LITAF: variants seen among roughly 807,000 people sequenced by gnomAD.
LITAF encodes lipopolysaccharide induced TNF factor, also known as lipopolysaccharide-induced tumor necrosis factor-alpha factor.
In LITAF, 9 loss-of-function variants were observed where a neutral mutation model predicts 14.5. That is an observed-to-expected ratio of 0.62 (90% confidence interval 0.37 to 1.08). The LOEUF (loss-of-function observed/expected upper bound fraction) is 1.08, where lower values mean the gene tolerates loss of function less well. LITAF is among the 50% of genes least tolerant of loss of function. The pLI, the probability that LITAF is intolerant of heterozygous loss-of-function variation, is 0.01. For missense variants in LITAF, 206 were observed against 213.4 expected (o/e 0.97, Z 0.22); for synonymous variants, 98 against 88.2 (o/e 1.11, Z -0.62).
At chr16:11,628,665 G>C (rs1239271014) in intron 3 of LITAF, among the ~76,000 whole-genome samples, 1 of 148,750 alleles carries the variant, frequency 6.7e-6, no homozygotes, top group Non-Finnish European at 1.5e-5. Context: ...ACCACGGCTG[G>C]CTAATATTTT....
chr16:11,549,740 A>G lies in LITAF; in HGVS notation c.383T>C (p.Ile128Thr). The change falls in exon 4 of 4, where the codon ATA becomes ACA. Residue 128 changes from isoleucine to threonine, a missense_variant. Ile to Thr is a moderately conservative substitution (Grantham distance 89). Transcript: ENST00000622633. This position sits in a 1 kb window ranked among gnomAD's most constrained non-coding sequence, Gnocchi z 4.6. ...GAAGGGGATGAAGCAGCAGCCCGCT[A>G]TGCACCTGGGAGGAGAGAGAGACAC... ...SCGSLCLLGCIAGCCFIPFCV... is the reference protein window; with the variant it reads ...SCGSLCLLGCTAGCCFIPFCV... 1 of 1,612,518 alleles carries G rather than the reference A, an allele frequency of 6.2e-7. No homozygotes were observed. Among genetic ancestry groups the G allele is most frequent in the Non-Finnish European group, 8.5e-7 (1 of 1,179,152 alleles).
intron 3 of LITAF, among the ~76,000 whole-genome samples, chr16:11,621,340 A>G (rs1345530023): frequency 1.3e-5 from 2 of 152,158 alleles, no homozygotes; most frequent in African/African-American, 4.8e-5. Context: ...CTGGGATTAT[A>G]GGCATGAGCC....
chr16:11,596,676 A>G (rs1385996597), intron 1 of LITAF, among the ~76,000 whole-genome samples: 4 of 73,820 alleles, frequency 5.4e-5, no homozygotes, highest in East Asian at 1.1e-3. Context: ...GGAGGGAAAA[A>G]GGAGGGGAGG....
chr16:11,627,196 C>A (rs533371736), intron 3 of LITAF, among the ~76,000 whole-genome samples: 1 of 152,212 alleles, frequency 6.6e-6, no homozygotes, highest in Non-Finnish European at 1.5e-5. Context: ...GGGCATGTGA[C>A]CCAAGCCAAG....
intron 1 of LITAF, among the ~76,000 whole-genome samples, chr16:11,577,402 C>T (rs1461439149): frequency 6.7e-6 from 1 of 149,992 alleles, no homozygotes; most frequent in Non-Finnish European, 1.5e-5. Context: ...ACTGCAAGCT[C>T]CACCTTCCAG....
rs551051837 is a variant in LITAF, at chr16:11,628,616, G to A, written c.85+4917C>T. Among the ~76,000 whole-genome samples the A allele has an allele frequency of 1.4e-4, 22 of 152,122 alleles. No individual in the cohort carries two copies. The East Asian group carries it at 2.3e-3, about 16-fold the overall frequency. ...ACTCCTAGGGTCAAGGGATCTTCCC[G>A]CCTTAGCCTCCAAGTAGCTGGGATT... On this transcript the variant is annotated intron_variant, in intron 3 of 3. Transcript: ENST00000574848.
At chr16:11,581,416 A>G (rs1319279419) in intron 1 of LITAF, among the ~76,000 whole-genome samples, 1 of 152,176 alleles carries the variant, frequency 6.6e-6, no homozygotes, top group Non-Finnish European at 1.5e-5. Context: ...AGAGGCCAAG[A>G]TGGATGGATC....
At chr16:11,623,109 G>A (rs918663092) in intron 3 of LITAF, among the ~76,000 whole-genome samples, 17 of 151,292 alleles carry the variant, frequency 1.1e-4, no homozygotes, top group Non-Finnish European at 1.6e-4. Flanking sequence ...GACTACAGGC[G>A]CCCACCACCA....
intron 3 of LITAF, among the ~76,000 whole-genome samples, chr16:11,623,733 G>A (rs767775155): frequency 4.0e-5 from 6 of 151,232 alleles, no homozygotes; most frequent in African/African-American, 7.3e-5. Context: ...TTGGAAGGTC[G>A]AGGTGGGCAG....
Position 11,608,171 on chromosome 16 carries a change from C to G in LITAF, c.85+25362G>C, listed in dbSNP as rs1175056486. Among the ~76,000 whole-genome samples, 3 of 152,212 alleles carry G rather than the reference C, an allele frequency of 2.0e-5. No homozygotes were observed. The East Asian group carries it at 5.8e-4, about 29-fold the overall frequency. On this transcript the variant is annotated intron_variant, in intron 3 of 3. Transcript: ENST00000574848. Reference sequence around the variant, plus strand: ...GGATCAGAATTAGATCCTTGCGTCACAGATAAACCCCACTGGGGTTCAGAG... The same window carrying G: ...GGATCAGAATTAGATCCTTGCGTCAGAGATAAACCCCACTGGGGTTCAGAG...
chr16:11,621,118 G>A (rs568308897), intron 3 of LITAF, among the ~76,000 whole-genome samples: 2 of 151,764 alleles, frequency 1.3e-5, no homozygotes, highest in African/African-American at 4.8e-5. Flanking sequence ...GGAGTGCAAT[G>A]GCAGTGCGCG....
At position 11,616,652 on chromosome 16, in the gene LITAF, A is replaced by G. The variant is rs9936756; in HGVS notation, c.85+16881T>C. On this transcript the variant is annotated intron_variant, in intron 3 of 3. Coordinates refer to the LITAF transcript ENST00000574848. ...CTATTGTATCACAATATCACAGGCT[A>G]CCCTCTGGCCTTTGAACACAAATCC... Among the ~76,000 whole-genome samples, 1,454 of 152,206 alleles carry G rather than the reference A, an allele frequency of 9.6e-3. 19 individuals carry two copies. The highest frequency in any genetic ancestry group is 0.031 in the African/African-American group (1,280 of 41,530).
At chr16:11,560,321 A>T (rs1032492498) in intron 1 of LITAF, among the ~76,000 whole-genome samples, 1 of 151,098 alleles carries the variant, frequency 6.6e-6, no homozygotes, top group Non-Finnish European at 1.5e-5. Flanking sequence ...AAATACATTA[A>T]ATGTGGCGGC....
At chr16:11,627,750 A>G (rs1207389355) in intron 3 of LITAF, among the ~76,000 whole-genome samples, 4 of 152,196 alleles carry the variant, frequency 2.6e-5, no homozygotes, top group African/African-American at 9.6e-5. Flanking sequence ...AGGCTGACGC[A>G]GGAGAATGGC....
At chr16:11,613,614 C>T (rs932102576) in intron 3 of LITAF, among the ~76,000 whole-genome samples, 1 of 152,208 alleles carries the variant, frequency 6.6e-6, no homozygotes, top group Non-Finnish European at 1.5e-5. Context: ...TGAGGGCAGT[C>T]AGGGAAGGCT....
intron 3 of LITAF, among the ~76,000 whole-genome samples, chr16:11,612,848 G>A (rs959509284): frequency 6.6e-6 from 1 of 152,154 alleles, no homozygotes; most frequent in Non-Finnish European, 1.5e-5. Context: ...AGAAGCTCTT[G>A]GGCACCATCT....
intron 1 of LITAF, among the ~76,000 whole-genome samples, chr16:11,575,796 G>A (rs2064623050): frequency 6.6e-6 from 1 of 152,124 alleles, no homozygotes; most frequent in Non-Finnish European, 1.5e-5. Flanking sequence ...ATAGCTTCTG[G>A]TGTTGCTTCA....
Position 11,605,030 on chromosome 16 carries a change from A to G in LITAF, c.85+28503T>C, listed in dbSNP as rs544782953. Among the ~76,000 whole-genome samples, 2 of 151,946 alleles carry G rather than the reference A, an allele frequency of 1.3e-5. No homozygotes were observed. Among genetic ancestry groups the G allele is most frequent in the South Asian group, 4.2e-4 (2 of 4,810 alleles). On this transcript the variant is annotated intron_variant, in intron 3 of 3. Coordinates refer to the LITAF transcript ENST00000574848. The surrounding 1 kb of genome is among the most constrained non-coding windows in gnomAD (Gnocchi z 4.7). Reference sequence around the variant, plus strand: ...GGGAAAGAACGGAACTTCCTTGCCTACTCCAGGAATCGGCCAGGACCACTG... The same window carrying G: ...GGGAAAGAACGGAACTTCCTTGCCTGCTCCAGGAATCGGCCAGGACCACTG...
At chr16:11,594,945 AGTT>A (rs981345652) in intron 1 of LITAF, among the ~76,000 whole-genome samples, 1 of 152,046 alleles carries the variant, frequency 6.6e-6, no homozygotes, top group African/African-American at 2.4e-5. Context: ...GGCTATAAAT[AGTT>A]GTCTCTGAGT....
Sources: gnomAD v4.1 joint callset for allele counts (sites outside exome capture counted in the v4.1 genomes callset) on GRCh38, gnomAD v4.1.1 for gene constraint, Gnocchi (gnomAD v3.1) non-coding constraint, MANE v1.5 for transcripts, NCBI Gene and HGNC (gene_info 2026-07-23, HGNC 2026-07-21) for gene names.